Variants in SLIT3 observed in about 807,000 individuals in gnomAD.
SLIT3 encodes the protein slit guidance ligand 3.
A neutral mutation model predicts 184.0 loss-of-function variants in SLIT3; 68 were observed. The observed-to-expected ratio is 0.37, with a 90% CI of 0.30 to 0.45. The LOEUF is 0.45. SLIT3 is among the 20% of genes least tolerant of loss of function. SLIT3 has a pLI of 1.00. For synonymous variants in SLIT3, 831 were observed against 828.6 expected, an observed-to-expected ratio of 1.00 and a Z score of -0.05; for missense variants, 1,707 against 2,026.0, an observed-to-expected ratio of 0.84 and a Z score of 3.02.
chr5:169,059,679 A>T (rs1227378884), intron 4 of SLIT3, among the ~76,000 whole-genome samples: 1 of 152,216 alleles, frequency 6.6e-6, no homozygotes, highest in African/African-American at 2.4e-5. Flanking sequence ...TTTAAAAACT[A>T]AATGTCTGAC....
At chr5:169,104,864 A>C (rs760871106) in intron 4 of SLIT3, among the ~76,000 whole-genome samples, 15 of 152,204 alleles carry the variant, frequency 9.9e-5, no homozygotes, top group Non-Finnish European at 1.9e-4. Flanking sequence ...GAGCTGGGCT[A>C]ACCTGCCCCA....
At chr5:169,132,865 G>A (rs997724357) in intron 4 of SLIT3, among the ~76,000 whole-genome samples, 7 of 152,150 alleles carry the variant, frequency 4.6e-5, no homozygotes, top group African/African-American at 1.4e-4. Context: ...ATATTTTAAT[G>A]GGCATTTGCT....
At chr5:168,736,013 C>G (rs528384723) in intron 20 of SLIT3, among the ~76,000 whole-genome samples, 7 of 152,174 alleles carry the variant, frequency 4.6e-5, no homozygotes, top group Non-Finnish European at 1.0e-4. Flanking sequence ...CATGTTCTTT[C>G]TACTCTGTTT....
At chr5:169,028,443 C>A (rs1408370076) in intron 4 of SLIT3, among the ~76,000 whole-genome samples, 1 of 152,184 alleles carries the variant, frequency 6.6e-6, no homozygotes, top group Non-Finnish European at 1.5e-5. Context: ...TTGTCTTTGC[C>A]ACGGTTTTCT....
intron 4 of SLIT3, among the ~76,000 whole-genome samples, chr5:169,154,969 T>C (rs1762252016): frequency 1.3e-5 from 2 of 152,194 alleles, no homozygotes; most frequent in South Asian, 4.1e-4. Flanking sequence ...AAAGAATGCT[T>C]TCCTCAGGAA....
chr5:168,754,060 T>C, intron 16 of SLIT3, 53 bp from the exon 17 acceptor site: 1 of 1,515,388 alleles, frequency 6.6e-7, no homozygotes. Context: ...ATGGTCTTGA[T>C]GCCGGGAGGG....
intron 4 of SLIT3, among the ~76,000 whole-genome samples, chr5:169,001,478 T>C (rs1355244165): frequency 6.6e-6 from 1 of 152,080 alleles, no homozygotes; most frequent in Non-Finnish European, 1.5e-5. Context: ...GCGGGTCACG[T>C]CTTTTTTTTC....
intron 4 of SLIT3, among the ~76,000 whole-genome samples, chr5:169,147,956 A>G (rs1359652895): frequency 6.6e-6 from 1 of 152,146 alleles, no homozygotes; most frequent in Non-Finnish European, 1.5e-5. Flanking sequence ...CCTGAAGCCA[A>G]AAAGGAAGCC....
chr5:168,850,363 A>G (rs1223494824), intron 5 of SLIT3, among the ~76,000 whole-genome samples: 1 of 151,602 alleles, frequency 6.6e-6, no homozygotes, highest in Non-Finnish European at 1.5e-5. Flanking sequence ...TTACTGATTC[A>G]TGAATTATTT....
intron 5 of SLIT3, among the ~76,000 whole-genome samples, chr5:168,848,510 C>G (rs563700487): frequency 3.2e-4 from 49 of 152,294 alleles, no homozygotes; most frequent in Admixed American, 2.6e-3. Context: ...ACAGGATACT[C>G]AGTTTGATTT....
chr5:168,675,893 ATCTCTCC>A (rs1440585797), intron 32 of SLIT3, among the ~76,000 whole-genome samples: 3 of 151,844 alleles, frequency 2.0e-5, no homozygotes, highest in African/African-American at 7.3e-5. Flanking sequence ...CCATTGGGAA[ATCTCTCC>A]TCCCACTCAT....
chr5:168,698,997 C>T (rs1009981700), intron 27 of SLIT3, among the ~76,000 whole-genome samples: 4 of 152,148 alleles, frequency 2.6e-5, no homozygotes, highest in Admixed American at 2.6e-4. Flanking sequence ...CCTCATCTGA[C>T]CCCCCCAATC....
At chr5:168,707,907 C>T (rs1762424247) in intron 26 of SLIT3, 69 bp downstream of exon 26, 1 of 1,594,812 alleles carries the variant, frequency 6.3e-7, no homozygotes, top group African/African-American at 1.3e-5. Context: ...GCATGGTGCC[C>T]CTCTCTAGGG....
In SLIT3 at chr5:168,712,345, A is replaced by G. The variant is rs768488958; in HGVS notation, c.2493T>C (p.His831=). ...GLRSLRVLTL[H]GNDISSVPEG... ...CAGGAACGCTGGAAATGTCATTGCCATGGAGGGTTCTGAAGCAGAGGGCAC... is the reference window on the plus strand; with the variant it reads ...CAGGAACGCTGGAAATGTCATTGCCGTGGAGGGTTCTGAAGCAGAGGGCAC... The change falls in exon 24 of 36, where the codon CAT becomes CAC. Residue 831 remains histidine, a synonymous_variant. Coordinates refer to ENST00000519560, the MANE Select transcript of SLIT3 (RefSeq NM_003062.4). 1.2e-6 allele frequency: 2 copies of G among 1,614,070 alleles called. No homozygotes were observed. The highest frequency in any genetic ancestry group is 1.1e-5 in the South Asian group (1 of 91,088).
intron 6 of SLIT3, among the ~76,000 whole-genome samples, chr5:168,823,771 G>A (rs35357651): frequency 2.6e-5 from 4 of 152,098 alleles, no homozygotes; most frequent in Non-Finnish European, 5.9e-5. Context: ...TGAGCCACAG[G>A]GAGGCAAAAT....
intron 1 of SLIT3, among the ~76,000 whole-genome samples, chr5:169,292,743 GA>G (rs1767396213): frequency 6.6e-6 from 1 of 152,178 alleles, no homozygotes; most frequent in South Asian, 2.1e-4. Flanking sequence ...AAATGCTCCT[GA>G]AAAGCTGATG....
chr5:168,755,389 A>ATTTATTTCTTTCTTTCTTCTTTC (rs1213373035), intron 16 of SLIT3, among the ~76,000 whole-genome samples: 1 of 133,640 alleles, frequency 7.5e-6, no homozygotes, highest in African/African-American at 2.6e-5. Flanking sequence ...CAGTGCCGCC[A>ATTTATTTCTTTCTTTCTTCTTTC]TTTCTTTCTT....
intron 5 of SLIT3, among the ~76,000 whole-genome samples, chr5:168,846,352 T>C (rs1004040007): frequency 3.9e-5 from 6 of 152,124 alleles, no homozygotes; most frequent in African/African-American, 1.4e-4. Context: ...CACCACATCT[T>C]CTCGACCCCT....
chr5:169,165,544 C>T (rs968920053), intron 4 of SLIT3, among the ~76,000 whole-genome samples: 17 of 152,326 alleles, frequency 1.1e-4, no homozygotes, highest in Admixed American at 9.8e-4. Flanking sequence ...ATCCATACAA[C>T]CCTATTTTTT....
Sources: allele counts gnomAD v4.1 joint callset (sites outside exome capture counted in the v4.1 genomes callset), GRCh38; gene constraint gnomAD v4.1.1; transcripts MANE v1.5; gene names NCBI Gene and HGNC (gene_info 2026-07-23, HGNC 2026-07-21).